Variants in SLC39A14 observed in about 807,000 individuals in gnomAD.
SLC39A14 encodes the protein solute carrier family 39 member 14.
Under a neutral mutation model 45.5 loss-of-function variants are expected in SLC39A14, and 19 were observed. The observed-to-expected ratio is 0.42, with a 90% CI of 0.29 to 0.61. The LOEUF is 0.61. SLC39A14 is among the 20% of genes least tolerant of loss of function. The pLI is 0.22. For missense variants in SLC39A14, 447 were observed against 616.5 expected (o/e 0.73, Z 2.91); for synonymous variants, 264 against 251.3 (o/e 1.05, Z -0.48).
intron 3 of SLC39A14, among the ~76,000 whole-genome samples, chr8:22,411,190 A>G (rs1835544921): frequency 6.6e-6 from 1 of 152,224 alleles, no homozygotes; most frequent in Non-Finnish European, 1.5e-5. Flanking sequence ...TGGAATGGAA[A>G]TACTGTAATT....
chr8:22,401,332 G>A (rs1156807671), intron 1 of SLC39A14, among the ~76,000 whole-genome samples: 2 of 152,178 alleles, frequency 1.3e-5, no homozygotes, highest in South Asian at 2.1e-4. Context: ...AGCCCTGGGT[G>A]CCTGGGTAAG....
intron 3 of SLC39A14, chr8:22,410,135 T>C: frequency 6.2e-7 from 1 of 1,613,634 alleles, no homozygotes; most frequent in South Asian, 1.1e-5. Context: ...AACAGAAACT[T>C]GCGCGTCCTC....
Position 22,422,057 on chromosome 8 carries a change from A to T in SLC39A14, c.*2359A>T. The T allele has an allele frequency of 1.0e-6, 1 of 985,410 alleles. No homozygotes were observed. Among genetic ancestry groups the T allele is most frequent in the South Asian group, 4.7e-5 (1 of 21,284 alleles). The allele number at this position is 985,410 out of a possible 1,614,324, so 61.0% of individuals were successfully genotyped here. A position where few individuals can be genotyped will look rare whatever the true frequency, so the allele number is the denominator to read the frequency against. On this transcript the variant is annotated 3_prime_UTR_variant, in exon 9 of 9. Coordinates refer to ENST00000381237, the MANE Select transcript of SLC39A14 (RefSeq NM_001128431.4). ...GCAACAGCTTTGCCTCATGAGTCAA[A>T]AATTGGCAATTTCTTTTGATTTTTA...
intron 1 of SLC39A14, among the ~76,000 whole-genome samples, chr8:22,392,329 T>C (rs985047059): frequency 2.0e-5 from 3 of 152,124 alleles, no homozygotes; most frequent in African/African-American, 7.2e-5. Flanking sequence ...TTTCACAGTT[T>C]AATTGTGCCG....
rs1286530080 is a variant in SLC39A14 at position 22,367,282 on chromosome 8, G to C, written c.-142G>C. 1 of 151,638 alleles carries C rather than the reference G, an allele frequency of 6.6e-6. No individual in the cohort carries two copies. Among genetic ancestry groups the C allele is most frequent in the Non-Finnish European group, 1.5e-5 (1 of 67,896 alleles). 9.4% of individuals were successfully genotyped at this position (151,638 alleles called of 1,614,324 possible). A position where few individuals can be genotyped will look rare whatever the true frequency, so the allele number is the denominator to read the frequency against. On this transcript the variant is annotated 5_prime_UTR_variant, in exon 1 of 9. Transcript: ENST00000381237. The surrounding 1 kb of genome is among the most constrained non-coding windows in gnomAD (Gnocchi z 4.2). ...GGGCATGCGCGCGGTGCCGGGGCCC[G>C]GACGCAGTGAGGGGGGTCGGCGCGC...
At chr8:22,384,202 G>A (rs1322987767) in intron 1 of SLC39A14, among the ~76,000 whole-genome samples, 1 of 152,196 alleles carries the variant, frequency 6.6e-6, no homozygotes, top group Non-Finnish European at 1.5e-5. Context: ...AGCATTTCAG[G>A]ATGTGTGTGA....
At chr8:22,382,882 A>ATT (rs1240746954) in intron 1 of SLC39A14, among the ~76,000 whole-genome samples, 15 of 142,112 alleles carry the variant, frequency 1.1e-4, no homozygotes, top group African/African-American at 2.8e-4. Context: ...GCCCCCGCTA[A>ATT]TTTTTTTTTT....
At position 22,416,056 on chromosome 8, in the gene SLC39A14, G is replaced by T. The variant is rs762131025; in HGVS notation, c.940-17G>T. On this transcript the variant is annotated splice_polypyrimidine_tract_variant and intron_variant, in intron 6 of 8. Coordinates refer to ENST00000381237, the MANE Select transcript of SLC39A14 (RefSeq NM_001128431.4). ...AGCCTTTGACGCTGTGGGCCCTGGG[G>T]GTGTGCTTTCTCCTAGGACCTGCAG... 1.9e-6 allele frequency: 3 copies of T among 1,613,504 alleles called. No homozygotes were observed. Among genetic ancestry groups the T allele is most frequent in the Admixed American group, 1.7e-5 (1 of 60,006 alleles).
Position 22,417,688 on chromosome 8 carries a change from C to G in SLC39A14, c.1185C>G (p.Ile395Met). 6.2e-7 allele frequency: 1 copy of G among 1,614,150 alleles called. No homozygotes were observed. Among genetic ancestry groups the G allele is most frequent in the Non-Finnish European group, 8.5e-7 (1 of 1,180,032 alleles). The change falls in exon 8 of 9, where the codon ATC becomes ATG. Residue 395 changes from isoleucine to methionine, a missense_variant. Transcript: ENST00000381237. ...TCCTGCTCAACGCTGGGATGAGCAT[C>G]CAACAAGCTCTCTTCTTCAACTTCC... is the stretch of plus-strand genomic sequence containing the variant. Reference protein sequence around the residue: ...FVILLNAGMSIQQALFFNFLS... With the variant: ...FVILLNAGMSMQQALFFNFLS...
intron 8 of SLC39A14, among the ~76,000 whole-genome samples, chr8:22,419,340 C>T (rs530557284): frequency 1.3e-5 from 2 of 152,106 alleles, no homozygotes; most frequent in African/African-American, 2.4e-5. Flanking sequence ...TGCGCCACCA[C>T]GCCCAGCTAA....
At position 22,422,454 on chromosome 8, in the gene SLC39A14, A is replaced by T; in HGVS notation, c.*2756A>T. The T allele has an allele frequency of 2.0e-6, 2 of 985,874 alleles. No homozygotes were observed. The highest frequency in any genetic ancestry group is 2.4e-6 in the Non-Finnish European group (2 of 829,942). The allele number at this position is 985,874 out of a possible 1,614,324, so 61.1% of individuals were successfully genotyped here. ...GTATAGTAAGTCCTCTTCCAAAGAGATGGCAATATGCTGGGCATCTACTTT... is the reference window on the plus strand; with the variant it reads ...GTATAGTAAGTCCTCTTCCAAAGAGTTGGCAATATGCTGGGCATCTACTTT... On this transcript the variant is annotated 3_prime_UTR_variant, in exon 9 of 9. Coordinates refer to ENST00000381237, the MANE Select transcript of SLC39A14 (RefSeq NM_001128431.4).
intron 1 of SLC39A14, among the ~76,000 whole-genome samples, chr8:22,377,240 C>G (rs565084480): frequency 1.3e-5 from 2 of 151,174 alleles, no homozygotes; most frequent in Non-Finnish European, 2.9e-5. Context: ...GAGCTCCTTC[C>G]GGTTGTCTCC....
intron 1 of SLC39A14, among the ~76,000 whole-genome samples, chr8:22,368,486 CTTTTA>C (rs869157776): frequency 0.065 from 9,642 of 147,524 alleles, 467 homozygotes; most frequent in Non-Finnish European, 0.098. Flanking sequence ...ATCCTTCCCT[CTTTTA>C]TTTTATTTTA....
At chr8:22,427,174 C>T (rs1454520677), downstream of SLC39A14, among the ~76,000 whole-genome samples, 1 of 151,902 alleles carries the variant, frequency 6.6e-6, no homozygotes, top group Non-Finnish European at 1.5e-5. Flanking sequence ...CCCTGTAATC[C>T]CAGCTACTCG....
chr8:22,425,028 C>CAAAAAA (rs71544902), downstream of SLC39A14, among the ~76,000 whole-genome samples: 40 of 74,322 alleles, frequency 5.4e-4, 2 homozygotes, highest in East Asian at 8.4e-3. Context: ...GACTCCGTCT[C>CAAAAAA]AAAAAAAAAA....
chr8:22,416,353 C>A, intron 7 of SLC39A14, 73 bp downstream of exon 7: 1 of 1,278,914 alleles, frequency 7.8e-7, no homozygotes, highest in Non-Finnish European at 1.1e-6. Context: ...TGGCCGGTTC[C>A]TTGCTCCCAT....
In SLC39A14 at chr8:22,367,611, G is replaced by C. The variant is rs908268798; in HGVS notation, c.-16+203G>C. Reference sequence around the variant, plus strand: ...CTGGCGAGGGGAGAGGTCAAGGCGCGGCCTGTCCGCCTGGAGGGTGCGGGA... The same window carrying C: ...CTGGCGAGGGGAGAGGTCAAGGCGCCGCCTGTCCGCCTGGAGGGTGCGGGA... On this transcript the variant is annotated intron_variant, in intron 1 of 8. Coordinates refer to ENST00000381237, the MANE Select transcript of SLC39A14 (RefSeq NM_001128431.4). This position sits in a 1 kb window ranked among gnomAD's most constrained non-coding sequence, Gnocchi z 4.2. 6.6e-6 allele frequency: 1 copy of C among 152,324 alleles called. No individual in the cohort carries two copies. The highest frequency in any genetic ancestry group is 1.5e-5 in the Non-Finnish European group (1 of 68,118). 9.4% of individuals were successfully genotyped at this position (152,324 alleles called of 1,614,324 possible). A position where few individuals can be genotyped will look rare whatever the true frequency, so the allele number is the denominator to read the frequency against.
Position 22,381,492 on chromosome 8 carries a change from G to A in SLC39A14, c.-16+14084G>A, listed in dbSNP as rs750801462. On this transcript the variant is annotated intron_variant, in intron 1 of 8. Transcript: ENST00000381237. ...TCACCGAGTTAGACAGGATGGTCTCGATCTCCTGACCTCATGATCCGCCCG... is the reference window on the plus strand; with the variant it reads ...TCACCGAGTTAGACAGGATGGTCTCAATCTCCTGACCTCATGATCCGCCCG... 1.5e-4 allele frequency among the ~76,000 whole-genome samples: 23 copies of A among 151,582 alleles called. No individual in the cohort carries two copies. The South Asian group carries it at 3.1e-3, about 21-fold the overall frequency.
At chr8:22,383,129 T>C (rs1161465870) in intron 1 of SLC39A14, among the ~76,000 whole-genome samples, 1 of 152,190 alleles carries the variant, frequency 6.6e-6, no homozygotes, top group African/African-American at 2.4e-5. Flanking sequence ...GACCACTGCC[T>C]CTGCTCAGGA....
Sources: allele counts gnomAD v4.1 joint callset (sites outside exome capture counted in the v4.1 genomes callset), GRCh38; gene constraint gnomAD v4.1.1; non-coding constraint Gnocchi (gnomAD v3.1); transcripts MANE v1.5; gene names NCBI Gene and HGNC (gene_info 2026-07-23, HGNC 2026-07-21).